The following MMP26 variants were observed in gnomAD, a reference collection of about 807,000 sequenced individuals.
MMP26 encodes the protein matrix metallopeptidase 26, also known as matrix metalloproteinase-26.
In MMP26, 33 loss-of-function variants were observed where a neutral mutation model predicts 31.0. That is an observed-to-expected ratio of 1.06 (90% CI 0.81 to 1.42). MMP26 has a LOEUF of 1.42. MMP26 is among the 40% of genes most tolerant of loss of function. The probability of loss-of-function intolerance (pLI) is 0.00; values close to 1 mark genes in which losing one functional copy is unlikely to be tolerated. For synonymous variants in MMP26, 122 were observed against 114.9 expected (o/e 1.06, Z -0.40); for missense variants, 347 against 316.1 (o/e 1.10, Z -0.74).
chr11:4,953,834 T>C (rs1846398029), intron 2 of MMP26, among the ~76,000 whole-genome samples: 1 of 125,120 alleles, frequency 8.0e-6, no homozygotes, highest in African/African-American at 2.7e-5. Context: ...GGCGGATCAC[T>C]TGAGGTCAGG....
chr11:4,915,354 C>G (rs1241599339), intron 2 of MMP26: 1 of 1,613,932 alleles, frequency 6.2e-7, no homozygotes, highest in East Asian at 2.2e-5. Context: ...AAGAGCTGAG[C>G]AAAGCAGGCA....
chr11:4,747,667 G>A (rs776123987), intron 1 of MMP26, among the ~76,000 whole-genome samples: 4 of 152,042 alleles, frequency 2.6e-5, no homozygotes, highest in Non-Finnish European at 4.4e-5. Context: ...AGGTAAGATT[G>A]GAGACCTAGA....
chr11:4,810,211 A>G (rs1380329358), intron 2 of MMP26, among the ~76,000 whole-genome samples: 1 of 150,944 alleles, frequency 6.6e-6, no homozygotes, highest in Non-Finnish European at 1.5e-5. Context: ...GATTGTATGA[A>G]TGTGATTTTA....
intron 2 of MMP26, among the ~76,000 whole-genome samples, chr11:4,802,951 T>C (rs1375786959): frequency 2.0e-5 from 3 of 152,200 alleles, no homozygotes; most frequent in Non-Finnish European, 4.4e-5. Context: ...TTATATTTTG[T>C]TTTTATAAGG....
intron 2 of MMP26, chr11:4,912,955 A>G (rs530853442): frequency 6.7e-6 from 1 of 148,970 alleles, no homozygotes; most frequent in East Asian, 2.7e-4. Flanking sequence ...AAAAGAAAAA[A>G]AAAACAAGCT....
chr11:4,925,124 C>G (rs1182634655), intron 2 of MMP26, among the ~76,000 whole-genome samples: 2 of 152,134 alleles, frequency 1.3e-5, no homozygotes, highest in East Asian at 3.9e-4. Context: ...CCAGTTCTAT[C>G]TTGTAAGTTC....
At position 4,848,628 on chromosome 11, in the gene MMP26, C is replaced by T. The variant is rs745906078; in HGVS notation, c.-145+81287C>T. 21 of 1,607,912 alleles carry T rather than the reference C, an allele frequency of 1.3e-5. No individual in the cohort carries two copies. Among genetic ancestry groups the T allele is most frequent in the East Asian group, 2.2e-5 (1 of 44,762 alleles). On this transcript the variant is annotated intron_variant, in intron 2 of 7. Coordinates refer to ENST00000380390, the MANE Select transcript of MMP26 (RefSeq NM_021801.5). ...ACCCCAAGCTTCTGGGCAGGCCAAA[C>T]GAGCCACATCTGGATGCAAGCAATA...
intron 2 of MMP26, among the ~76,000 whole-genome samples, chr11:4,837,391 T>C (rs1342576820): frequency 1.3e-5 from 2 of 152,120 alleles, no homozygotes; most frequent in South Asian, 2.1e-4. Context: ...TTTAAATTTT[T>C]TGAAGAGATG....
intron 2 of MMP26, among the ~76,000 whole-genome samples, chr11:4,843,255 G>T (rs1187775128): frequency 1.3e-5 from 2 of 152,212 alleles, no homozygotes; most frequent in Non-Finnish European, 2.9e-5. Flanking sequence ...GCCCCAGTGG[G>T]AACTCTGTGT....
intron 2 of MMP26, among the ~76,000 whole-genome samples, chr11:4,873,888 G>T (rs1850343515): frequency 6.6e-6 from 1 of 152,042 alleles, no homozygotes; most frequent in Non-Finnish European, 1.5e-5. Flanking sequence ...TCAAACCCCA[G>T]AGCCTTTATT....
At chr11:4,984,396 A>T in intron 2 of MMP26, among the ~76,000 whole-genome samples, 1 of 152,186 alleles carries the variant, frequency 6.6e-6, no homozygotes, top group South Asian at 2.1e-4. Flanking sequence ...GGCACAGCGT[A>T]TGCGCTCAAT....
intron 2 of MMP26, among the ~76,000 whole-genome samples, chr11:4,857,496 A>G (rs1850072191): frequency 6.6e-6 from 1 of 152,202 alleles, no homozygotes; most frequent in Non-Finnish European, 1.5e-5. Context: ...AAATTCCTGG[A>G]CACATACTCT....
chr11:4,795,539 C>T (rs1692258042), intron 2 of MMP26, among the ~76,000 whole-genome samples: 1 of 152,090 alleles, frequency 6.6e-6, no homozygotes, highest in African/African-American at 2.4e-5. Flanking sequence ...GGGCTACATC[C>T]AGTTTCAATA....
At chr11:4,893,941 A>T (rs1850664886) in intron 2 of MMP26, among the ~76,000 whole-genome samples, 1 of 151,484 alleles carries the variant, frequency 6.6e-6, no homozygotes, top group Non-Finnish European at 1.5e-5. Context: ...CTCTACAAAA[A>T]TAAAAAAAAA....
At chr11:4,848,171 G>A (rs1213975339) in intron 2 of MMP26, 2 of 1,494,514 alleles carry the variant, frequency 1.3e-6, no homozygotes, top group Non-Finnish European at 1.8e-6. Context: ...TGCTTGGTGA[G>A]CTGAGTTCTC....
intron 2 of MMP26, among the ~76,000 whole-genome samples, chr11:4,770,167 A>AG (rs1262432462): frequency 6.6e-6 from 1 of 152,194 alleles, no homozygotes; most frequent in Non-Finnish European, 1.5e-5. Flanking sequence ...TGTCCATATG[A>AG]TTTTATACAT....
intron 2 of MMP26, among the ~76,000 whole-genome samples, chr11:4,903,603 C>G (rs571342118): frequency 6.6e-5 from 10 of 152,038 alleles, no homozygotes; most frequent in African/African-American, 9.7e-5. Flanking sequence ...CACAATTTGC[C>G]TCTAGTTTCT....
intron 2 of MMP26, among the ~76,000 whole-genome samples, chr11:4,806,088 C>A (rs1589906684): frequency 6.6e-6 from 1 of 152,154 alleles, no homozygotes; most frequent in Middle Eastern, 3.4e-3. Flanking sequence ...CCCCCAAAGG[C>A]CTTATCTTTT....
At chr11:4,785,404 A>G (rs1417393259) in intron 2 of MMP26, among the ~76,000 whole-genome samples, 1 of 152,170 alleles carries the variant, frequency 6.6e-6, no homozygotes, top group Non-Finnish European at 1.5e-5. Context: ...GAACACAGAT[A>G]ATTAATGACT....
Sources: allele counts gnomAD v4.1 joint callset (sites outside exome capture counted in the v4.1 genomes callset), GRCh38; gene constraint gnomAD v4.1.1; transcripts MANE v1.5; gene names NCBI Gene and HGNC (gene_info 2026-07-23, HGNC 2026-07-21).